Variants in SLC35D4 observed in about 807,000 individuals in gnomAD.
SLC35D4 encodes UDP-N-acetylglucosamine transporter SLC35D4.
chr18:23,260,217 T>G, the SLC35D4 span: 1 of 152,180 alleles, frequency 6.6e-6, no homozygotes. Context: ...AAAACCTATT[T>G]AAACAGGAAA....
the SLC35D4 span, among the ~76,000 whole-genome samples, chr18:23,275,592 GA>G: frequency 7.7e-5 from 11 of 142,934 alleles, no homozygotes; most frequent in South Asian, 2.5e-3. Context: ...GGGTCAGAAA[GA>G]GTGCTGTGCT....
the SLC35D4 span, among the ~76,000 whole-genome samples, chr18:23,283,471 CAAAAAAAA>C: frequency 3.2e-4 from 14 of 44,436 alleles, no homozygotes; most frequent in African/African-American, 1.2e-3. Context: ...GACCCAGTCT[CAAAAAAAA>C]AAAAAAAAAA....
At chr18:23,243,872 CAAA>C in the SLC35D4 span, among the ~76,000 whole-genome samples, 6 of 109,872 alleles carry the variant, frequency 5.5e-5, no homozygotes, top group African/African-American at 5.9e-5. Flanking sequence ...GACTCCGTTT[CAAA>C]AAAAAAAAAA....
chr18:23,267,245 C>T, the SLC35D4 span, among the ~76,000 whole-genome samples: 12 of 152,168 alleles, frequency 7.9e-5, no homozygotes, highest in African/African-American at 2.9e-4. Flanking sequence ...TCACTGACAC[C>T]ACCCTCGGTC....
chr18:23,310,335 G>C, the SLC35D4 span: 1 of 946,806 alleles, frequency 1.1e-6, no homozygotes, highest in Non-Finnish European at 1.3e-6. Flanking sequence ...CCAGAGGAGA[G>C]GGAAGAGGTT....
At chr18:23,325,187 A>G in the SLC35D4 span, among the ~76,000 whole-genome samples, 1 of 152,120 alleles carries the variant, frequency 6.6e-6, no homozygotes, top group South Asian at 2.1e-4. Context: ...CTATAAAATA[A>G]AGGAACCATC....
chr18:23,353,603 T>C, the SLC35D4 span, among the ~76,000 whole-genome samples: 1,574 of 152,268 alleles, frequency 0.01, 22 homozygotes, highest in African/African-American at 0.036. Flanking sequence ...GGTTTCCCCA[T>C]GTGTATTTCA....
At chr18:23,244,902 C>T in the SLC35D4 span, among the ~76,000 whole-genome samples, 1 of 152,194 alleles carries the variant, frequency 6.6e-6, no homozygotes, top group African/African-American at 2.4e-5. Context: ...CATAAGAATT[C>T]CTGGGGAAAC....
the SLC35D4 span, among the ~76,000 whole-genome samples, chr18:23,362,494 G>A: frequency 1.3e-5 from 2 of 152,184 alleles, no homozygotes; most frequent in South Asian, 4.1e-4. Context: ...AGCTACTTGG[G>A]AGGCTGAGGC....
chr18:23,431,741 T>C, the SLC35D4 span, among the ~76,000 whole-genome samples: 1 of 152,248 alleles, frequency 6.6e-6, no homozygotes, highest in Non-Finnish European at 1.5e-5. Flanking sequence ...TATATTTATG[T>C]ATATTAATTG....
the SLC35D4 span, among the ~76,000 whole-genome samples, chr18:23,301,281 T>C: frequency 6.6e-6 from 1 of 152,156 alleles, no homozygotes; most frequent in Non-Finnish European, 1.5e-5. Flanking sequence ...AGGCCCTTCT[T>C]ACGTAGAATT....
the SLC35D4 span, among the ~76,000 whole-genome samples, chr18:23,345,532 G>T: frequency 1.4e-5 from 2 of 147,160 alleles, no homozygotes; most frequent in African/African-American, 2.5e-5. Flanking sequence ...ATTGTGATTG[G>T]CACCTCTGTT....
chr18:23,300,829 C>T, the SLC35D4 span, among the ~76,000 whole-genome samples: 3 of 152,248 alleles, frequency 2.0e-5, no homozygotes, highest in Non-Finnish European at 4.4e-5. Flanking sequence ...ATATCCATCA[C>T]TAGCTTCTCT....
chr18:23,423,456 G>C, the SLC35D4 span, among the ~76,000 whole-genome samples: 1 of 152,198 alleles, frequency 6.6e-6, no homozygotes, highest in Non-Finnish European at 1.5e-5. Flanking sequence ...GGAGCGGAAG[G>C]TATGCCACTG....
the SLC35D4 span, among the ~76,000 whole-genome samples, chr18:23,382,086 A>G: frequency 6.6e-6 from 1 of 151,750 alleles, no homozygotes; most frequent in Non-Finnish European, 1.5e-5. Context: ...TAAAAATACA[A>G]AAAATTAGCT....
chr18:23,391,714 C>G, the SLC35D4 span, among the ~76,000 whole-genome samples: 10 of 152,150 alleles, frequency 6.6e-5, no homozygotes, highest in Non-Finnish European at 1.5e-4. Flanking sequence ...TCTCGAACTC[C>G]TGGGCTCAAG....
the SLC35D4 span, among the ~76,000 whole-genome samples, chr18:23,404,992 C>CAA: frequency 6.7e-4 from 30 of 44,474 alleles, 1 homozygote; most frequent in Admixed American, 9.2e-4. Context: ...GACTCCGTCT[C>CAA]AAAAAAAAAA....
At chr18:23,286,811 A>G in the SLC35D4 span, among the ~76,000 whole-genome samples, 2 of 151,996 alleles carry the variant, frequency 1.3e-5, no homozygotes, top group Non-Finnish European at 2.9e-5. Context: ...CAGTTCCCTT[A>G]TTAGGCCGAG....
chr18:23,275,854 T>C, the SLC35D4 span, among the ~76,000 whole-genome samples: 1 of 152,164 alleles, frequency 6.6e-6, no homozygotes, highest in African/African-American at 2.4e-5. Context: ...CAAGAACAGA[T>C]GTCGTGTGAC....
Sources: gnomAD v4.1 joint callset for allele counts (sites outside exome capture counted in the v4.1 genomes callset) on GRCh38, gnomAD v4.1.1 for gene constraint, MANE v1.5 for transcripts, NCBI Gene and HGNC (gene_info 2026-07-23, HGNC 2026-07-21) for gene names.